LRP5: variants seen among roughly 807,000 people sequenced by gnomAD.
LRP5 encodes the protein low-density lipoprotein receptor-related protein 5.
A neutral mutation model predicts 154.1 loss-of-function variants in LRP5; 62 were observed. The observed-to-expected ratio is 0.40, with a 90% CI of 0.33 to 0.50. The LOEUF is 0.50. LRP5 is among the 20% of genes least tolerant of loss of function. The pLI, the probability that LRP5 is intolerant of heterozygous loss-of-function variation, is 0.55. For synonymous variants in LRP5, 966 were observed against 1,011.5 expected, an observed-to-expected ratio of 0.96 and a Z score of 0.85; for missense variants, 1,915 against 2,336.7, an observed-to-expected ratio of 0.82 and a Z score of 3.72.
intron 13 of LRP5, among the ~76,000 whole-genome samples, chr11:68,422,378 A>G (rs1233424350): frequency 2.6e-5 from 4 of 152,230 alleles, no homozygotes; most frequent in Non-Finnish European, 5.9e-5. Flanking sequence ...CCTGGGTGGC[A>G]GGAGCCCAGG....
chr11:68,338,959 C>T (rs185002369), intron 1 of LRP5, among the ~76,000 whole-genome samples: 15 of 148,170 alleles, frequency 1.0e-4, no homozygotes, highest in African/African-American at 3.3e-4. Context: ...CTGCAACCTC[C>T]GCTTCCTGGG....
At chr11:68,391,232 G>A (rs1410685591) in intron 7 of LRP5, among the ~76,000 whole-genome samples, 1 of 152,228 alleles carries the variant, frequency 6.6e-6, no homozygotes, top group Non-Finnish European at 1.5e-5. Flanking sequence ...GCCTCCCAAA[G>A]TGTTGGGATT....
At chr11:68,439,436 C>T (rs567565307) in intron 20 of LRP5, among the ~76,000 whole-genome samples, 2 of 152,308 alleles carry the variant, frequency 1.3e-5, no homozygotes, top group East Asian at 3.9e-4. Context: ...CCTAGGAGCC[C>T]ACAGTGGTGG....
chr11:68,396,541 T>C lies in LRP5; in HGVS notation c.1584+6489T>C, dbSNP rs185712322. Among the ~76,000 whole-genome samples the C allele has an allele frequency of 6.7e-4, 102 of 152,236 alleles. 1 individual carries two copies. The highest frequency in any genetic ancestry group is 2.2e-3 in the African/African-American group (92 of 41,516). ...CAGCTGTGGCTGATCCCTTGATGAATTGGGAGAAGAACAAAGGTCTATGAA... is the reference window on the plus strand; with the variant it reads ...CAGCTGTGGCTGATCCCTTGATGAACTGGGAGAAGAACAAAGGTCTATGAA... On this transcript the variant is annotated intron_variant, in intron 7 of 22. Transcript: ENST00000294304.
intron 1 of LRP5, among the ~76,000 whole-genome samples, chr11:68,315,034 G>A (rs2098592151): frequency 6.6e-6 from 1 of 152,218 alleles, no homozygotes; most frequent in South Asian, 2.1e-4. Context: ...GGGGGATGTA[G>A]GCAGGTGAGG....
Position 68,389,907 on chromosome 11 carries a change from A to G in LRP5, c.1439A>G (p.Glu480Gly). The G allele has an allele frequency of 6.2e-7, 1 of 1,614,240 alleles. No homozygotes were observed. The highest frequency in any genetic ancestry group is 8.5e-7 in the Non-Finnish European group (1 of 1,180,042). The change falls in exon 7 of 23, where the codon GAG becomes GGG. Residue 480 changes from glutamate (E) to glycine (G), a missense_variant. Physicochemically the swap from Glu to Gly is moderately conservative, Grantham distance 98 (BLOSUM62 -2). Coordinates refer to ENST00000294304, the MANE Select transcript of LRP5 (RefSeq NM_002335.4). ...MGLMYWTDWG[E>G]NPKIECANLD... ...CTCATGTACTGGACAGACTGGGGAG[A>G]GAACCCTAAAATCGAGTGTGCCAAC...
At chr11:68,379,637 A>G (rs912235308) in intron 5 of LRP5, among the ~76,000 whole-genome samples, 1 of 152,158 alleles carries the variant, frequency 6.6e-6, no homozygotes, top group African/African-American at 2.4e-5. Flanking sequence ...ATTTATTGCT[A>G]GGGTTTTGGT....
intron 5 of LRP5, among the ~76,000 whole-genome samples, chr11:68,373,359 G>A (rs1394489257): frequency 3.3e-5 from 5 of 151,908 alleles, no homozygotes; most frequent in South Asian, 4.1e-4. Context: ...GCACACAGGC[G>A]GCCTCCTAGA....
intron 19 of LRP5, 60 bp from the exon 20 acceptor site, chr11:68,438,386 A>G: frequency 2.0e-6 from 3 of 1,488,670 alleles, no homozygotes; most frequent in Non-Finnish European, 2.8e-6. Flanking sequence ...GTCTGCCCCC[A>G]AGGAGGGCCC....
At chr11:68,389,296 C>T (rs1039022508) in intron 6 of LRP5, among the ~76,000 whole-genome samples, 5 of 151,742 alleles carry the variant, frequency 3.3e-5, no homozygotes, top group Admixed American at 6.6e-5. Context: ...TGACATTTAC[C>T]GACATTGACA....
intron 7 of LRP5, among the ~76,000 whole-genome samples, chr11:68,393,897 G>C (rs947425654): frequency 3.9e-5 from 6 of 152,180 alleles, no homozygotes; most frequent in African/African-American, 1.4e-4. Flanking sequence ...GATGCTGAGC[G>C]TCTTGTCCCA....
chr11:68,385,535 G>T (rs1190090813), intron 5 of LRP5, among the ~76,000 whole-genome samples: 1 of 152,130 alleles, frequency 6.6e-6, no homozygotes, highest in Non-Finnish European at 1.5e-5. Flanking sequence ...CAGGGCCCTG[G>T]GTCTAGCCGT....
rs200117377 is a variant in LRP5 at position 68,416,464 on chromosome 11, C to T, written c.2964C>T (p.Asp988=). The T allele has an allele frequency of 5.0e-5, 81 of 1,614,168 alleles. No individual in the cohort carries two copies. In the Admixed American group the frequency reaches 1.2e-3, roughly 24 times the overall value. The change falls in exon 13 of 23, where the codon GAC becomes GAT. Residue 988 remains aspartate, a synonymous_variant. Coordinates refer to ENST00000294304, the MANE Select transcript of LRP5 (RefSeq NM_002335.4). ...NVKAIDYDPL[D]KFIYWVDGRQ... ...AAGCCATCGACTATGACCCACTGGACAAGTTCATCTACTGGGTGGATGGGC... is the reference window on the plus strand; with the variant it reads ...AAGCCATCGACTATGACCCACTGGATAAGTTCATCTACTGGGTGGATGGGC...
intron 13 of LRP5, among the ~76,000 whole-genome samples, chr11:68,419,732 C>T (rs1056835633): frequency 4.6e-5 from 7 of 151,890 alleles, no homozygotes; most frequent in Admixed American, 6.6e-5. Context: ...TTAGCAGAGA[C>T]GGGGTTTCAC....
rs2098627970 is a variant in LRP5, at chr11:68,361,314, AAT to A, written c.687-2431_687-2430del. ...AGCGAGACTCTGTCTCAAAAAAAAA[AAT>A]AATAAAATAAAATAATAAAATTAAA... On this transcript the variant is annotated intron_variant, in intron 3 of 22. Transcript: ENST00000294304. Among the ~76,000 whole-genome samples the A allele has an allele frequency of 2.7e-5, 4 of 148,462 alleles. 1 individual carries two copies. The highest frequency in any genetic ancestry group is 6.7e-5 in the Admixed American group (1 of 14,956).
intron 5 of LRP5, among the ~76,000 whole-genome samples, chr11:68,366,698 T>C (rs1293170795): frequency 6.6e-6 from 1 of 152,230 alleles, no homozygotes; most frequent in Non-Finnish European, 1.5e-5. Context: ...TCAAAGGGTC[T>C]GTCCGCTGTG....
intron 5 of LRP5, among the ~76,000 whole-genome samples, chr11:68,382,508 G>A (rs1418005973): frequency 6.6e-6 from 1 of 152,134 alleles, no homozygotes; most frequent in African/African-American, 2.4e-5. Context: ...GTTCACGGAT[G>A]GTGTCGTTCA....
Position 68,433,888 on chromosome 11 carries a change from G to A in LRP5, c.4000+50G>A, listed in dbSNP as rs141169902. 89 of 1,561,772 alleles carry A rather than the reference G, an allele frequency of 5.7e-5. No individual in the cohort carries two copies. The African/African-American group carries it at 6.9e-4, about 12-fold the overall frequency. ...TGCCAAGACCCTGGCCCTGCCCTCC[G>A]GGATACGAGCTTGGGGCTGCCTCCG... On this transcript the variant is annotated intron_variant, in intron 18 of 22. Transcript: ENST00000294304.
intron 13 of LRP5, among the ~76,000 whole-genome samples, chr11:68,421,605 G>A (rs1475303349): frequency 1.3e-5 from 2 of 152,138 alleles, no homozygotes; most frequent in African/African-American, 4.8e-5. Context: ...CTGTAGTGAT[G>A]TGGATGTTGT....
Sources: gnomAD v4.1 joint callset for allele counts (sites outside exome capture counted in the v4.1 genomes callset) on GRCh38, gnomAD v4.1.1 for gene constraint, MANE v1.5 for transcripts, NCBI Gene and HGNC (gene_info 2026-07-23, HGNC 2026-07-21) for gene names.